The following AP3B1 variants were observed in gnomAD, a reference collection of about 807,000 sequenced individuals.
AP3B1 encodes adaptor related protein complex 3 subunit beta 1.
A neutral mutation model predicts 132.5 loss-of-function variants in AP3B1; 61 were observed. That is an observed-to-expected ratio of 0.46 (90% CI 0.37 to 0.57). AP3B1 has a LOEUF of 0.57. Ranked by LOEUF, AP3B1 falls within the 20% of genes least tolerant of loss-of-function variation. AP3B1 has a pLI of 0.00. For synonymous variants in AP3B1, 388 were observed against 438.3 expected (o/e 0.89, Z 1.43); for missense variants, 1,120 against 1,289.4 (o/e 0.87, Z 2.01).
At chr5:78,254,895 G>A (rs1226773615) in intron 2 of AP3B1, among the ~76,000 whole-genome samples, 1 of 152,008 alleles carries the variant, frequency 6.6e-6, no homozygotes, top group East Asian at 1.9e-4. Context: ...CAAGTTTTCA[G>A]GACATGGTAC....
At chr5:78,236,305 C>T (rs1008717856) in intron 3 of AP3B1, among the ~76,000 whole-genome samples, 2 of 151,988 alleles carry the variant, frequency 1.3e-5, no homozygotes, top group African/African-American at 4.8e-5. Flanking sequence ...AGCTACTTTA[C>T]CACCAATTTC....
intron 22 of AP3B1, among the ~76,000 whole-genome samples, chr5:78,087,193 T>C (rs568446107): frequency 2.0e-5 from 3 of 152,224 alleles, no homozygotes; most frequent in East Asian, 1.9e-4. Context: ...CTATCATCTA[T>C]GAACTTCATT....
At chr5:78,009,775 G>T (rs1364436789) in intron 26 of AP3B1, among the ~76,000 whole-genome samples, 1 of 148,396 alleles carries the variant, frequency 6.7e-6, no homozygotes, top group Non-Finnish European at 1.5e-5. Context: ...AAGATATACG[G>T]GGGGGTGGGG....
intron 26 of AP3B1, among the ~76,000 whole-genome samples, chr5:78,010,704 A>G (rs998669548): frequency 6.6e-6 from 1 of 152,058 alleles, no homozygotes; most frequent in South Asian, 2.1e-4. Context: ...AACGCCTCTA[A>G]TCTCCTACCT....
In AP3B1 at chr5:78,278,630, G is replaced by T. The variant is rs1183899758; in HGVS notation, c.129-11035C>A. Among the ~76,000 whole-genome samples, 93 of 86,192 alleles carry T rather than the reference G, an allele frequency of 1.1e-3. 13 individuals carry two copies. Among genetic ancestry groups the T allele is most frequent in the Admixed American group, 2.8e-3 (27 of 9,624 alleles). The allele number at this position is 86,192 out of a possible 152,430, so 56.5% of individuals were successfully genotyped here. On this transcript the variant is annotated intron_variant, in intron 1 of 26. Transcript: ENST00000255194. ...AAAAAAAAAAAAAAAAAAAAAGGGG[G>T]GGGGGGACTAATTAATTATGAGGAA...
intron 2 of AP3B1, among the ~76,000 whole-genome samples, chr5:78,242,555 T>G (rs986074789): frequency 1.6e-4 from 24 of 152,076 alleles, no homozygotes; most frequent in African/African-American, 9.7e-5. Flanking sequence ...TACAGGCACC[T>G]GATGCCACCA....
chr5:78,162,446 T>C (rs1743425231), intron 13 of AP3B1, among the ~76,000 whole-genome samples: 1 of 152,188 alleles, frequency 6.6e-6, no homozygotes, highest in Admixed American at 6.5e-5. Context: ...TTATAGTCAT[T>C]TGCCTGCTTT....
chr5:78,252,763 C>T (rs940164728), intron 2 of AP3B1, among the ~76,000 whole-genome samples: 2 of 152,196 alleles, frequency 1.3e-5, no homozygotes, highest in African/African-American at 4.8e-5. Flanking sequence ...CCCAGGGCTC[C>T]TAGACAGAAC....
intron 19 of AP3B1, among the ~76,000 whole-genome samples, chr5:78,111,627 C>T (rs1202298867): frequency 2.0e-5 from 3 of 152,064 alleles, no homozygotes; most frequent in Non-Finnish European, 4.4e-5. Context: ...AACAGTTCTC[C>T]AAGGAGAAGG....
intron 17 of AP3B1, among the ~76,000 whole-genome samples, chr5:78,117,905 T>A (rs1453314626): frequency 6.6e-6 from 1 of 152,172 alleles, no homozygotes; most frequent in Admixed American, 6.5e-5. Flanking sequence ...AAAGATAAAA[T>A]AGTTGAGACT....
At chr5:78,282,302 T>C (rs951710293) in intron 1 of AP3B1, among the ~76,000 whole-genome samples, 2 of 151,992 alleles carry the variant, frequency 1.3e-5, no homozygotes, top group East Asian at 3.9e-4. Flanking sequence ...TGCCTTCTTT[T>C]AGGAAAAATG....
chr5:78,061,130 C>T lies in AP3B1; in HGVS notation c.2578-21856G>A, dbSNP rs193261744. ...TCAGAATACAAATAATCTGGTCAAA[C>T]ATAGAAAAAAAAAAAAACACTTCTC... On this transcript the variant is annotated intron_variant, in intron 22 of 26. Coordinates refer to ENST00000255194, the MANE Select transcript of AP3B1 (RefSeq NM_003664.5). 2.2e-3 allele frequency among the ~76,000 whole-genome samples: 326 copies of T among 146,514 alleles called. 1 individual carries two copies. Among genetic ancestry groups the T allele is most frequent in the Admixed American group, 5.1e-3 (75 of 14,780 alleles).
intron 24 of AP3B1, among the ~76,000 whole-genome samples, chr5:78,032,164 T>C (rs962393176): frequency 1.3e-5 from 2 of 152,224 alleles, no homozygotes; most frequent in Admixed American, 6.5e-5. Context: ...TATCTATTTA[T>C]CCATAGATAC....
chr5:78,058,215 T>C (rs1012228136), intron 22 of AP3B1, among the ~76,000 whole-genome samples: 3 of 152,178 alleles, frequency 2.0e-5, no homozygotes, highest in African/African-American at 7.2e-5. Context: ...AGAAGTGCTA[T>C]TATAGGCCGG....
intron 21 of AP3B1, among the ~76,000 whole-genome samples, chr5:78,089,799 C>A (rs1750431928): frequency 6.6e-6 from 1 of 152,094 alleles, no homozygotes; most frequent in Non-Finnish European, 1.5e-5. Context: ...CCAGTAATCT[C>A]CCTAAAAAAG....
intron 2 of AP3B1, among the ~76,000 whole-genome samples, chr5:78,256,035 G>A (rs999456799): frequency 3.3e-5 from 5 of 151,658 alleles, no homozygotes; most frequent in Non-Finnish European, 7.4e-5. Context: ...AAATCTAAGA[G>A]GGAATTTCAT....
intron 3 of AP3B1, among the ~76,000 whole-genome samples, chr5:78,238,218 T>G (rs774568067): frequency 6.6e-6 from 1 of 152,196 alleles, no homozygotes; most frequent in African/African-American, 2.4e-5. Flanking sequence ...AAGAGGGATC[T>G]AGGCTGCGTG....
At chr5:78,284,523 A>G (rs527902721) in intron 1 of AP3B1, among the ~76,000 whole-genome samples, 3 of 152,354 alleles carry the variant, frequency 2.0e-5, no homozygotes, top group South Asian at 4.1e-4. Flanking sequence ...TAAAAGGACT[A>G]TCATTTTAAG....
intron 7 of AP3B1, among the ~76,000 whole-genome samples, chr5:78,200,519 C>G (rs1315027787): frequency 2.0e-5 from 3 of 151,982 alleles, no homozygotes; most frequent in Admixed American, 2.0e-4. Context: ...ATTAGCCAGG[C>G]ATGGCAGTGT....
Sources: allele counts gnomAD v4.1 joint callset (sites outside exome capture counted in the v4.1 genomes callset), GRCh38; gene constraint gnomAD v4.1.1; transcripts MANE v1.5; gene names NCBI Gene and HGNC (gene_info 2026-07-23, HGNC 2026-07-21).